The following KMT5B variants were observed in gnomAD, a reference collection of about 807,000 sequenced individuals.
The protein encoded by KMT5B is lysine methyltransferase 5B, also known as histone-lysine N-methyltransferase KMT5B.
In KMT5B, 10 loss-of-function variants were observed where a neutral mutation model predicts 83.2. The observed-to-expected ratio is 0.12, with a 90% CI of 0.07 to 0.20. The LOEUF (loss-of-function observed/expected upper bound fraction) is 0.20. KMT5B is among the 10% of genes least tolerant of loss of function. KMT5B has a pLI of 1.00. For synonymous variants in KMT5B, 349 were observed against 388.8 expected (o/e 0.90, Z 1.20); for missense variants, 753 against 1,067.2 (o/e 0.71, Z 4.10).
At chr11:68,202,498 C>T (rs1318646782) in intron 1 of KMT5B, among the ~76,000 whole-genome samples, 1 of 150,642 alleles carries the variant, frequency 6.6e-6, no homozygotes, top group Non-Finnish European at 1.5e-5. Flanking sequence ...ACTCACTACT[C>T]TGTGTAATTA....
chr11:68,172,885 ACCC>A (rs1177979267), intron 6 of KMT5B, among the ~76,000 whole-genome samples: 1 of 151,424 alleles, frequency 6.6e-6, no homozygotes, highest in Non-Finnish European at 1.5e-5. Flanking sequence ...CAGATATCTG[ACCC>A]CCCAAATTTT....
chr11:68,166,480 G>T, intron 10 of KMT5B: 1 of 1,003,160 alleles, frequency 1.0e-6, no homozygotes, highest in South Asian at 4.3e-5. Flanking sequence ...GTCTGGTACT[G>T]GTGGTCTGCT....
At chr11:68,165,910 A>G in intron 10 of KMT5B, 2 of 1,612,898 alleles carry the variant, frequency 1.2e-6, no homozygotes, top group South Asian at 1.1e-5. Flanking sequence ...AGTGACATTC[A>G]CCATCATGGG....
chr11:68,189,768 C>T (rs1021352451), intron 2 of KMT5B, 149 bp downstream of exon 2: 4 of 649,250 alleles, frequency 6.2e-6, no homozygotes, highest in Admixed American at 3.1e-5. Context: ...AAAATTGACA[C>T]AACTTTGAGA....
chr11:68,164,738 T>C (rs1855163181), intron 10 of KMT5B: 2 of 491,596 alleles, frequency 4.1e-6, no homozygotes, highest in African/African-American at 3.9e-5. Flanking sequence ...CTGCAAAATG[T>C]ACACCTTTCT....
At chr11:68,188,319 C>T (rs1412934196) in intron 2 of KMT5B, among the ~76,000 whole-genome samples, 10 of 151,764 alleles carry the variant, frequency 6.6e-5, no homozygotes, top group Non-Finnish European at 8.8e-5. Flanking sequence ...CCACCACGCC[C>T]GGCCCGTAAT....
chr11:68,173,119 T>C (rs1856006134), intron 6 of KMT5B, among the ~76,000 whole-genome samples: 1 of 152,132 alleles, frequency 6.6e-6, no homozygotes, highest in Non-Finnish European at 1.5e-5. Flanking sequence ...CAGCTCACTA[T>C]AGCCTCTGTC....
chr11:68,169,878 A>C (rs569307104), intron 9 of KMT5B, among the ~76,000 whole-genome samples: 1 of 150,990 alleles, frequency 6.6e-6, no homozygotes, highest in Non-Finnish European at 1.5e-5. Flanking sequence ...TTATGTAGAA[A>C]AAGATAAATT....
intron 5 of KMT5B, among the ~76,000 whole-genome samples, 192 bp downstream of exon 5, chr11:68,174,826 G>C (rs567422964): frequency 1.5e-3 from 231 of 152,240 alleles, no homozygotes; most frequent in Non-Finnish European, 2.4e-3. Context: ...TTACAAGCAT[G>C]AGCCACTGAG....
chr11:68,156,284 T>A lies in KMT5B; in HGVS notation c.*1404A>T, dbSNP rs1185498948. On this transcript the variant is annotated 3_prime_UTR_variant, in exon 11 of 11. Transcript: ENST00000304363. Reference sequence around the variant, plus strand: ...GTGTCAAACACCTGTTACAGATTTATATTCCCAAATTCTCTGTCCAATGAT... The same window carrying A: ...GTGTCAAACACCTGTTACAGATTTAAATTCCCAAATTCTCTGTCCAATGAT... The A allele has an allele frequency of 6.6e-6, 1 of 152,618 alleles. No individual in the cohort carries two copies. Among genetic ancestry groups the A allele is most frequent in the Non-Finnish European group, 1.5e-5 (1 of 68,048 alleles). The allele number at this position is 152,618 out of a possible 1,614,324, so 9.5% of individuals were successfully genotyped here.
rs149767191 is a variant in KMT5B at position 68,158,827 on chromosome 11, C to T, written c.1519G>A (p.Gly507Arg). The T allele has an allele frequency of 7.1e-5, 114 of 1,614,036 alleles. No individual in the cohort carries two copies. The highest frequency in any genetic ancestry group is 6.7e-4 in the African/African-American group (50 of 74,926). ...CTCGCCGCGTGTCTAGTCAAGCACCCGCTGGCAACTGCGGCTTGGGCTGGT... is the reference window on the plus strand; with the variant it reads ...CTCGCCGCGTGTCTAGTCAAGCACCTGCTGGCAACTGCGGCTTGGGCTGGT... ...EGPAQAAVAS[G>R]CLTRHAAREH... The change falls in exon 11 of 11, where the codon GGG becomes AGG. Residue 507 changes from glycine (G) to arginine (R), a missense_variant. Gly to Arg is a moderately radical substitution (Grantham distance 125). Transcript: ENST00000304363.
chr11:68,179,197 A>G (rs542425325), intron 4 of KMT5B, among the ~76,000 whole-genome samples: 29 of 131,736 alleles, frequency 2.2e-4, no homozygotes, highest in African/African-American at 8.2e-4. Flanking sequence ...GAAGGGATGG[A>G]CGCAAATGTG....
At position 68,167,005 on chromosome 11, in the gene KMT5B, G is replaced by A; in HGVS notation, c.1151C>T (p.Thr384Ile). 6.2e-7 allele frequency: 1 copy of A among 1,614,002 alleles called. No individual in the cohort carries two copies. Among genetic ancestry groups the A allele is most frequent in the Non-Finnish European group, 8.5e-7 (1 of 1,179,964 alleles). Residue 384 changes from threonine (T) to isoleucine (I), a missense_variant, in exon 10 of 11, where the codon ACC (threonine) becomes ATC (isoleucine). Thr to Ile is a moderately conservative substitution (Grantham distance 89). Around this residue, in one of 9 missense-constraint regions of KMT5B, gnomAD observed 397 missense variants for 395.9 expected, o/e 1.00. Coordinates refer to ENST00000304363, the MANE Select transcript of KMT5B (RefSeq NM_017635.5). ...ACTTGCATTGTTTTTTTCCTGAGTG[G>A]TATCTGCATCAGTGTTAGAGCTGAC... ...QSVSSNTDAD[T>I]TQEKNNATSN...
rs1859423938 is a variant in KMT5B, at chr11:68,157,987, T to C, written c.2359A>G (p.Asn787Asp). 1 of 1,614,124 alleles carries C rather than the reference T, an allele frequency of 6.2e-7. No individual in the cohort carries two copies. The highest frequency in any genetic ancestry group is 2.2e-5 in the East Asian group (1 of 44,882). ...LKIQLKRDEE[N>D]RGSYTEGLHE... The stretch of plus-strand genomic sequence containing the variant: ...AGCCCCTCTGTATAAGACCCCCTAT[T>C]TTCCTCATCTCGTTTTAGCTGGATT... Residue 787 changes from asparagine (N) to aspartate (D), a missense_variant, in exon 11 of 11, where the codon AAT (asparagine) becomes GAT (aspartate). By Grantham distance (23) the Asn-to-Asp change is conservative. Around this residue, in one of 9 missense-constraint regions of KMT5B, gnomAD observed 161 missense variants for 195.1 expected, o/e 0.83. Coordinates refer to ENST00000304363, the MANE Select transcript of KMT5B (RefSeq NM_017635.5).
chr11:68,166,417 A>G (rs1590939911), intron 10 of KMT5B: 1 of 1,015,454 alleles, frequency 9.8e-7, no homozygotes, highest in East Asian at 9.7e-5. Flanking sequence ...AGTAGCCAAT[A>G]CAGCATGTCA....
intron 10 of KMT5B, among the ~76,000 whole-genome samples, chr11:68,164,267 CAT>C (rs1338689505): frequency 1.8e-4 from 27 of 152,192 alleles, no homozygotes; most frequent in African/African-American, 6.5e-4. Flanking sequence ...TTTTTTTATA[CAT>C]GTGTTCAAAG....
chr11:68,203,916 C>T (rs569762345), intron 1 of KMT5B, among the ~76,000 whole-genome samples: 12 of 152,222 alleles, frequency 7.9e-5, no homozygotes, highest in African/African-American at 2.2e-4. Flanking sequence ...GCAAAGAATA[C>T]GTCTCTATAC....
chr11:68,166,668 C>A, intron 10 of KMT5B: 2 of 1,121,632 alleles, frequency 1.8e-6, no homozygotes, highest in Non-Finnish European at 2.2e-6. Flanking sequence ...CAGGACTTAG[C>A]GACATCATCA....
At chr11:68,193,103 G>T (rs2153075734) in intron 1 of KMT5B, among the ~76,000 whole-genome samples, 1 of 152,268 alleles carries the variant, frequency 6.6e-6, no homozygotes, top group African/African-American at 2.4e-5. Flanking sequence ...GACTAAAAAG[G>T]CCCTACGATA....
Sources: allele counts gnomAD v4.1 joint callset (sites outside exome capture counted in the v4.1 genomes callset), GRCh38; gene constraint gnomAD v4.1.1; regional missense constraint gnomAD v4.1.1; transcripts MANE v1.5; gene names NCBI Gene and HGNC (gene_info 2026-07-23, HGNC 2026-07-21).